Variants in FHIT observed in about 807,000 individuals in gnomAD.
FHIT encodes fragile histidine triad diadenosine triphosphatase, also known as bis(5'-adenosyl)-triphosphatase.
Under a neutral mutation model 17.9 loss-of-function variants are expected in FHIT, and 19 were observed. That is an observed-to-expected ratio of 1.06 (90% CI 0.74 to 1.56). The LOEUF is 1.56. Among genes scored for constraint, FHIT ranks in the 40% most tolerant of loss-of-function variants. FHIT has a pLI of 0.00. For synonymous variants in FHIT, 81 were observed against 69.7 expected, an observed-to-expected ratio of 1.16 and a Z score of -0.81; for missense variants, 248 against 189.2, an observed-to-expected ratio of 1.31 and a Z score of -1.82.
chr3:59,791,579 GT>G (rs541861329), intron 8 of FHIT, among the ~76,000 whole-genome samples: 26 of 152,244 alleles, frequency 1.7e-4, no homozygotes, highest in Admixed American at 1.0e-3. Flanking sequence ...GTTGAGTTGG[GT>G]TTCTATAACT....
At chr3:60,332,334 G>A (rs1429283033) in intron 5 of FHIT, among the ~76,000 whole-genome samples, 2 of 152,314 alleles carry the variant, frequency 1.3e-5, no homozygotes, top group Admixed American at 1.3e-4. Flanking sequence ...AGATGACTGA[G>A]CCTCTGGCCT....
At chr3:60,562,275 T>C (rs1647333891) in intron 4 of FHIT, among the ~76,000 whole-genome samples, 2 of 152,336 alleles carry the variant, frequency 1.3e-5, no homozygotes, top group Middle Eastern at 3.4e-3. Context: ...AGACAGTCTC[T>C]ATTCTCTGAT....
chr3:60,903,114 C>A (rs1199252671), intron 3 of FHIT, among the ~76,000 whole-genome samples: 1 of 151,844 alleles, frequency 6.6e-6, no homozygotes, highest in Non-Finnish European at 1.5e-5. Flanking sequence ...TAAGTTGGTT[C>A]AAATACAAAA....
At chr3:60,664,748 G>A (rs1553692056) in intron 4 of FHIT, among the ~76,000 whole-genome samples, 1 of 144,348 alleles carries the variant, frequency 6.9e-6, no homozygotes, top group South Asian at 2.2e-4. Flanking sequence ...TTTCTTCTAT[G>A]TTCGTTGAAT....
chr3:60,177,284 A>C (rs1701722885), intron 5 of FHIT, among the ~76,000 whole-genome samples: 1 of 151,750 alleles, frequency 6.6e-6, no homozygotes. Context: ...AAAAAAAGCT[A>C]GAAGAAGTTG....
intron 7 of FHIT, among the ~76,000 whole-genome samples, chr3:60,003,304 C>CA (rs1456942700): frequency 6.6e-6 from 1 of 152,140 alleles, no homozygotes; most frequent in African/African-American, 2.4e-5. Context: ...AATTATATGG[C>CA]AGCCTATAAG....
At chr3:60,357,535 A>G (rs1273705846) in intron 5 of FHIT, among the ~76,000 whole-genome samples, 1 of 152,062 alleles carries the variant, frequency 6.6e-6, no homozygotes, top group African/African-American at 2.4e-5. Context: ...ATGAGCCACC[A>G]CGCCCGGCCC....
At chr3:60,232,816 A>C (rs543796576) in intron 5 of FHIT, among the ~76,000 whole-genome samples, 2 of 152,294 alleles carry the variant, frequency 1.3e-5, no homozygotes, top group South Asian at 4.1e-4. Context: ...TATACAACAG[A>C]GAGCTCATTT....
intron 1 of FHIT, among the ~76,000 whole-genome samples, chr3:61,208,991 G>A (rs574117625): frequency 5.3e-5 from 8 of 151,988 alleles, no homozygotes; most frequent in South Asian, 2.1e-4. Context: ...TTCCTTCAGG[G>A]GCTCTTTTAG....
At chr3:60,382,239 A>G (rs1396513549) in intron 5 of FHIT, among the ~76,000 whole-genome samples, 1 of 152,248 alleles carries the variant, frequency 6.6e-6, no homozygotes, top group Non-Finnish European at 1.5e-5. Context: ...CGGACATAGA[A>G]TTGCGGAGTG....
intron 5 of FHIT, among the ~76,000 whole-genome samples, chr3:60,223,010 A>G (rs752258404): frequency 1.3e-5 from 2 of 152,216 alleles, no homozygotes; most frequent in Non-Finnish European, 2.9e-5. Context: ...TTACATTACA[A>G]TTACTCCTTG....
intron 7 of FHIT, among the ~76,000 whole-genome samples, chr3:59,949,142 C>A (rs779458896): frequency 2.0e-5 from 3 of 152,196 alleles, no homozygotes; most frequent in Non-Finnish European, 2.9e-5. Flanking sequence ...CACACATATA[C>A]CAGAGTTTTG....
chr3:60,898,935 A>G (rs1441253711), intron 3 of FHIT, among the ~76,000 whole-genome samples: 2 of 152,210 alleles, frequency 1.3e-5, no homozygotes, highest in South Asian at 2.1e-4. Flanking sequence ...TTTCTGTATA[A>G]ACACATTGGC....
chr3:60,971,163 T>A (rs1032747159), intron 3 of FHIT, among the ~76,000 whole-genome samples: 1 of 151,622 alleles, frequency 6.6e-6, no homozygotes, highest in Non-Finnish European at 1.5e-5. Context: ...AGGTCAGGAG[T>A]TCAAGACCAG....
At chr3:61,033,133 C>A (rs1287035982) in intron 3 of FHIT, among the ~76,000 whole-genome samples, 2 of 152,252 alleles carry the variant, frequency 1.3e-5, no homozygotes, top group African/African-American at 4.8e-5. Context: ...ATGCTAATCT[C>A]TTCCAGAAAC....
At chr3:60,580,209 G>A (rs1553659241) in intron 4 of FHIT, among the ~76,000 whole-genome samples, 2 of 152,094 alleles carry the variant, frequency 1.3e-5, no homozygotes, top group African/African-American at 2.4e-5. Flanking sequence ...TCTACAATTT[G>A]TGTCCTATTC....
chr3:59,751,989 G>C (rs1700933516), intron 9 of FHIT: 1 of 431,934 alleles, frequency 2.3e-6, no homozygotes, highest in African/African-American at 2.0e-5. Context: ...TGGTGGGCTG[G>C]GGGCACTGGC....
At chr3:60,479,500 T>C (rs1404287475) in intron 5 of FHIT, among the ~76,000 whole-genome samples, 1 of 152,214 alleles carries the variant, frequency 6.6e-6, no homozygotes, top group Non-Finnish European at 1.5e-5. Context: ...CTTAATGACA[T>C]AGCACAAGAC....
At chr3:60,569,920 T>C (rs576073961) in intron 4 of FHIT, among the ~76,000 whole-genome samples, 9 of 151,752 alleles carry the variant, frequency 5.9e-5, no homozygotes, top group South Asian at 2.1e-4. Context: ...AATTCACCCA[T>C]TGATGTAATT....
Sources: gnomAD v4.1 joint callset for allele counts (sites outside exome capture counted in the v4.1 genomes callset) on GRCh38, gnomAD v4.1.1 for gene constraint, MANE v1.5 for transcripts, NCBI Gene and HGNC (gene_info 2026-07-23, HGNC 2026-07-21) for gene names.